SMIM23: variants seen among roughly 807,000 people sequenced by gnomAD.
SMIM23 encodes the protein small integral membrane protein 23.
In SMIM23, 10 loss-of-function variants were observed where a neutral mutation model predicts 12.8. The ratio of observed to expected loss-of-function variants is 0.78; its 90% CI spans 0.48 to 1.32. The LOEUF is 1.32. Among genes scored for constraint, SMIM23 ranks in the 40% most tolerant of loss-of-function variants. SMIM23 has a pLI of 0.00. For synonymous variants in SMIM23, 78 were observed against 80.1 expected (o/e 0.97, Z 0.14); for missense variants, 184 against 198.2 (o/e 0.93, Z 0.43).
At chr5:171,785,355 T>C (rs1221233954), upstream of SMIM23, among the ~76,000 whole-genome samples, 1 of 152,072 alleles carries the variant, frequency 6.6e-6, no homozygotes, top group East Asian at 1.9e-4. Context: ...TGCATGTGAA[T>C]CCACAATTAT....
chr5:171,782,567 A>G (rs952911149), upstream of SMIM23: 2 of 152,150 alleles, frequency 1.3e-5, no homozygotes, highest in Admixed American at 6.5e-5. Flanking sequence ...ACACCCACTA[A>G]TTCCGATACC....
upstream of SMIM23, among the ~76,000 whole-genome samples, chr5:171,783,982 C>T (rs1032696092): frequency 2.6e-5 from 4 of 152,040 alleles, no homozygotes; most frequent in East Asian, 1.9e-4. Context: ...TGGCTCACAC[C>T]GGTAATCGCA....
rs1755913812 is a variant in SMIM23 at position 171,790,962 on chromosome 5, G to C, written c.393G>C (p.Glu131Asp). ...LELWLDALLG[E>D]PHQEEHCSTY... is the part of the protein sequence containing the mutation. Reference sequence around the variant, plus strand: ...TGTGGCTGGATGCTCTTCTGGGAGAGCCACACCAGGAGGAGCACTGCTCCA... The same window carrying C: ...TGTGGCTGGATGCTCTTCTGGGAGACCCACACCAGGAGGAGCACTGCTCCA... The change falls in exon 4 of 4, where the codon GAG becomes GAC. Residue 131 changes from glutamate (E) to aspartate (D), a missense_variant. Transcript: ENST00000523047. 2.0e-6 allele frequency: 3 copies of C among 1,536,064 alleles called. No individual in the cohort carries two copies. Among genetic ancestry groups the C allele is most frequent in the East Asian group, 4.9e-5 (2 of 40,910 alleles).
chr5:171,775,223 A>T, the SMIM23 span, among the ~76,000 whole-genome samples: 134 of 152,298 alleles, frequency 8.8e-4, no homozygotes, highest in African/African-American at 3.1e-3. Flanking sequence ...GCCCTTGGCC[A>T]CCTTCTTTCC....
At chr5:171,775,519 T>C in the SMIM23 span, among the ~76,000 whole-genome samples, 1 of 152,134 alleles carries the variant, frequency 6.6e-6, no homozygotes, top group Admixed American at 6.5e-5. Flanking sequence ...GTGGTGGACT[T>C]TGCCTGAGTC....
chr5:171,781,061 A>G (rs749197648), upstream of SMIM23, among the ~76,000 whole-genome samples: 3 of 152,252 alleles, frequency 2.0e-5, no homozygotes, highest in Non-Finnish European at 4.4e-5. Flanking sequence ...CACTTTGCAC[A>G]ATGCCCAGTA....
chr5:171,786,753 G>C (rs254886), intron 1 of SMIM23, among the ~76,000 whole-genome samples: 3,780 of 152,160 alleles, frequency 0.025, 152 homozygotes, highest in African/African-American at 0.085. Flanking sequence ...GGCCTTCATG[G>C]GCACCCATCA....
the SMIM23 span, among the ~76,000 whole-genome samples, chr5:171,776,332 C>T: frequency 3.9e-5 from 6 of 152,300 alleles, no homozygotes; most frequent in African/African-American, 1.4e-4. Flanking sequence ...CCCCAGACCA[C>T]AACACAACGC....
chr5:171,774,104 G>A, the SMIM23 span: 1 of 356,974 alleles, frequency 2.8e-6, no homozygotes, highest in Non-Finnish European at 5.5e-6. Context: ...GAAGGCATTT[G>A]TAAGGATTGG....
At chr5:171,777,850 T>G (rs917037024), upstream of SMIM23, among the ~76,000 whole-genome samples, 3 of 152,094 alleles carry the variant, frequency 2.0e-5, no homozygotes, top group African/African-American at 7.2e-5. Context: ...TGTCTCCCAC[T>G]TCAAGAGCAG....
intron 1 of SMIM23, among the ~76,000 whole-genome samples, chr5:171,787,607 G>A (rs1755842026): frequency 6.6e-6 from 1 of 152,212 alleles, no homozygotes; most frequent in African/African-American, 2.4e-5. Flanking sequence ...GACAATTAGT[G>A]TGTGTCTTCC....
the SMIM23 span, chr5:171,773,603 A>G: frequency 2.9e-6 from 1 of 346,838 alleles, no homozygotes; most frequent in Non-Finnish European, 5.6e-6. Context: ...TTTGCCAATG[A>G]TTCAAGGCAT....
chr5:171,788,835 G>A (rs777618448), intron 1 of SMIM23, among the ~76,000 whole-genome samples: 10 of 151,960 alleles, frequency 6.6e-5, no homozygotes, highest in South Asian at 2.1e-4. Context: ...CTTGACAAAC[G>A]TGTAGAAAAA....
chr5:171,773,897 G>C, the SMIM23 span: 2 of 454,126 alleles, frequency 4.4e-6, no homozygotes, highest in South Asian at 3.1e-5. Context: ...GATGGATAAA[G>C]AGACATCCCT....
At chr5:171,779,184 G>A (rs1561588217), upstream of SMIM23, among the ~76,000 whole-genome samples, 1 of 152,140 alleles carries the variant, frequency 6.6e-6, no homozygotes, top group South Asian at 2.1e-4. Context: ...CAAGCCAGGA[G>A]GTTTCATACA....
At chr5:171,779,623 C>T (rs1196177928), upstream of SMIM23, among the ~76,000 whole-genome samples, 2 of 152,216 alleles carry the variant, frequency 1.3e-5, no homozygotes, top group African/African-American at 4.8e-5. Flanking sequence ...CACTCCTGTA[C>T]AGGCTTGCCA....
In SMIM23 at chr5:171,791,073, C is replaced by T. The variant is rs755048432; in HGVS notation, c.504C>T (p.Ser168=). 80 of 1,501,610 alleles carry T rather than the reference C, an allele frequency of 5.3e-5. No homozygotes were observed. Among genetic ancestry groups the T allele is most frequent in the Non-Finnish European group, 6.8e-5 (77 of 1,131,124 alleles). 93.0% of individuals were successfully genotyped at this position (1,501,610 alleles called of 1,614,324 possible). A position where few individuals can be genotyped will look rare whatever the true frequency, so the allele number is the denominator to read the frequency against. The part of the protein sequence containing the change: ...GGEGLLEISL[S]GAEL ...AGGGGTTGCTAGAGATTTCTCTAAGCGGGGCAGAGCTCTGACTCTTGAAGT... is the reference window on the plus strand; with the variant it reads ...AGGGGTTGCTAGAGATTTCTCTAAGTGGGGCAGAGCTCTGACTCTTGAAGT... Residue 168 remains serine (S), a synonymous_variant, in exon 4 of 4, where the codon AGC becomes AGT. Coordinates refer to ENST00000523047, the MANE Select transcript of SMIM23 (RefSeq NM_001289970.2).
At chr5:171,781,674 A>G (rs544882503), upstream of SMIM23, among the ~76,000 whole-genome samples, 1 of 152,346 alleles carries the variant, frequency 6.6e-6, no homozygotes, top group South Asian at 2.1e-4. Context: ...AGTAATAATA[A>G]TAAAGATATG....
the SMIM23 span, among the ~76,000 whole-genome samples, chr5:171,773,085 G>A: frequency 6.6e-6 from 1 of 152,204 alleles, no homozygotes; most frequent in Non-Finnish European, 1.5e-5. Flanking sequence ...AGCTGGCCCA[G>A]GGAGTATGTG....
Sources: allele counts gnomAD v4.1 joint callset (sites outside exome capture counted in the v4.1 genomes callset), GRCh38; gene constraint gnomAD v4.1.1; transcripts MANE v1.5; gene names NCBI Gene and HGNC (gene_info 2026-07-23, HGNC 2026-07-21).